The following SLC25A48 variants were observed in gnomAD, a reference collection of about 807,000 sequenced individuals.
SLC25A48 encodes CTC-321K16.1.
Under a neutral mutation model 32.2 loss-of-function variants are expected in SLC25A48, and 29 were observed. The ratio of observed to expected loss-of-function variants is 0.90; its 90% CI spans 0.67 to 1.23. SLC25A48 has a LOEUF of 1.23. Ranked by LOEUF, SLC25A48 falls within the 50% of genes most tolerant of loss-of-function variation. The pLI is 0.00. For missense variants in SLC25A48, 399 were observed against 422.7 expected (o/e 0.94, Z 0.49); for synonymous variants, 164 against 172.3 (o/e 0.95, Z 0.38).
intron 3 of SLC25A48, among the ~76,000 whole-genome samples, chr5:135,715,968 A>T (rs1754786724): frequency 6.6e-6 from 1 of 152,182 alleles, no homozygotes; most frequent in African/African-American, 2.4e-5. Context: ...ACTTGGAATA[A>T]GTAGGTTCCT....
chr5:135,705,732 C>G (rs947379980), intron 3 of SLC25A48, among the ~76,000 whole-genome samples: 29 of 152,214 alleles, frequency 1.9e-4, no homozygotes, highest in African/African-American at 6.5e-4. Context: ...GTTACTCAGC[C>G]TCTCTGAGCC....
chr5:135,886,605 A>G (rs1762724177), intron 7 of SLC25A48, among the ~76,000 whole-genome samples: 1 of 19,210 alleles, frequency 5.2e-5, no homozygotes, highest in Non-Finnish European at 9.7e-5. Flanking sequence ...ATATATATAT[A>G]TATATATATA....
At chr5:135,608,530 T>C (rs553596904) in intron 1 of SLC25A48, among the ~76,000 whole-genome samples, 11 of 152,324 alleles carry the variant, frequency 7.2e-5, no homozygotes, top group African/African-American at 2.6e-4. Context: ...GCTGGGTCCA[T>C]TGGAGGAAGG....
chr5:135,812,218 A>C (rs1490562796), intron 3 of SLC25A48, among the ~76,000 whole-genome samples: 1 of 152,160 alleles, frequency 6.6e-6, no homozygotes, highest in African/African-American at 2.4e-5. Flanking sequence ...GGGGTACATG[A>C]GATATTTTGA....
intron 4 of SLC25A48, among the ~76,000 whole-genome samples, chr5:135,867,634 C>T (rs1251267181): frequency 1.3e-5 from 2 of 152,158 alleles, no homozygotes; most frequent in Non-Finnish European, 2.9e-5. Context: ...TTATACTGGT[C>T]ATAGTTTTCT....
At chr5:135,620,743 C>T (rs73789292) in intron 1 of SLC25A48, among the ~76,000 whole-genome samples, 6 of 152,192 alleles carry the variant, frequency 3.9e-5, no homozygotes, top group East Asian at 1.9e-4. Flanking sequence ...GCAGCTGCTT[C>T]GAACTCCAAG....
chr5:135,806,092 C>A (rs774766540), intron 3 of SLC25A48, among the ~76,000 whole-genome samples: 1 of 151,468 alleles, frequency 6.6e-6, no homozygotes, highest in African/African-American at 2.4e-5. Flanking sequence ...TATTGTACAC[C>A]CTTTGCATTC....
chr5:135,734,142 G>A (rs1755296361), intron 3 of SLC25A48, among the ~76,000 whole-genome samples: 1 of 152,108 alleles, frequency 6.6e-6, no homozygotes, highest in African/African-American at 2.4e-5. Context: ...GGGTGATTAG[G>A]TTTTAATGGG....
chr5:135,834,876 C>T lies in SLC25A48; in HGVS notation c.29C>T (p.Ala10Val), dbSNP rs1758367145. 2.5e-6 allele frequency: 4 copies of T among 1,603,832 alleles called. No homozygotes were observed. Among genetic ancestry groups the T allele is most frequent in the Non-Finnish European group, 3.4e-6 (4 of 1,176,126 alleles). MGSFQLEDF[A>V]AGWIGGAASV... The stretch of plus-strand genomic sequence containing the variant: ...GGAAGCTTCCAGCTGGAAGACTTTG[C>T]GGCGGGCTGGATCGGAGGTGAGTGT... Residue 10 changes from alanine (A) to valine (V), a missense_variant, in exon 1 of 8, where the codon GCG becomes GTG. Transcript: ENST00000681962.
At chr5:135,735,489 G>A (rs140360686) in intron 3 of SLC25A48, among the ~76,000 whole-genome samples, 6 of 152,136 alleles carry the variant, frequency 3.9e-5, no homozygotes, top group South Asian at 2.1e-4. Flanking sequence ...CTGAGTTTTC[G>A]TCTTTACCTT....
At chr5:135,873,907 C>T in intron 5 of SLC25A48, 114 bp from the exon 6 acceptor site, 1 of 1,213,814 alleles carries the variant, frequency 8.2e-7, no homozygotes, top group Non-Finnish European at 1.1e-6. Context: ...TAAGCCTGAG[C>T]TCTGTCCCTT....
intron 3 of SLC25A48, among the ~76,000 whole-genome samples, chr5:135,795,747 G>T (rs1939520721): frequency 6.6e-6 from 1 of 151,304 alleles, no homozygotes; most frequent in South Asian, 2.1e-4. Context: ...ACATCCGGTG[G>T]GGGAGAGAGT....
intron 3 of SLC25A48, among the ~76,000 whole-genome samples, chr5:135,805,288 G>A (rs1757437239): frequency 6.6e-6 from 1 of 150,816 alleles, no homozygotes; most frequent in Non-Finnish European, 1.5e-5. Flanking sequence ...TAATATCAGT[G>A]TATGTACACA....
intron 3 of SLC25A48, among the ~76,000 whole-genome samples, chr5:135,795,340 C>T (rs1397489442): frequency 6.6e-6 from 1 of 151,750 alleles, no homozygotes; most frequent in Non-Finnish European, 1.5e-5. Context: ...TTACACCCCC[C>T]ATGATATTAT....
At chr5:135,805,143 T>G (rs1271828586) in intron 3 of SLC25A48, among the ~76,000 whole-genome samples, 1 of 151,058 alleles carries the variant, frequency 6.6e-6, no homozygotes, top group Non-Finnish European at 1.5e-5. Context: ...TCACAGTGGG[T>G]GCACACCTGT....
At chr5:135,707,292 G>A (rs1455872785) in intron 3 of SLC25A48, among the ~76,000 whole-genome samples, 1 of 152,136 alleles carries the variant, frequency 6.6e-6, no homozygotes, top group African/African-American at 2.4e-5. Context: ...CAAAAAGGAG[G>A]CCTTGTGCAC....
chr5:135,746,645 G>A (rs112122126), intron 3 of SLC25A48, among the ~76,000 whole-genome samples: 1 of 152,132 alleles, frequency 6.6e-6, no homozygotes, highest in Non-Finnish European at 1.5e-5. Context: ...TACATACTTC[G>A]GCAGTGCATC....
intron 3 of SLC25A48, among the ~76,000 whole-genome samples, chr5:135,852,336 C>A (rs1759939473): frequency 6.6e-6 from 1 of 152,184 alleles, no homozygotes; most frequent in South Asian, 2.1e-4. Context: ...GGCCAGGACA[C>A]AACCCACAGG....
chr5:135,834,753 T>C lies in SLC25A48; in HGVS notation c.-95T>C. The stretch of plus-strand genomic sequence containing the variant: ...CTGCGGCGTGCTCGAGACTCCGACT[T>C]CGGTCTTGCGGCGCGCTCGCGCCCG... On this transcript the variant is annotated 5_prime_UTR_variant, in exon 1 of 8. Coordinates refer to ENST00000681962, the MANE Select transcript of SLC25A48 (RefSeq NM_001349336.2). 1 of 1,348,664 alleles carries C rather than the reference T, an allele frequency of 7.4e-7. No homozygotes were observed. The highest frequency in any genetic ancestry group is 1.0e-6 in the Non-Finnish European group (1 of 999,250). The allele number at this position is 1,348,664 out of a possible 1,614,324, so 83.5% of individuals were successfully genotyped here.
Sources: gnomAD v4.1 joint callset for allele counts (sites outside exome capture counted in the v4.1 genomes callset) on GRCh38, gnomAD v4.1.1 for gene constraint, MANE v1.5 for transcripts, NCBI Gene and HGNC (gene_info 2026-07-23, HGNC 2026-07-21) for gene names.